DST: variants seen among roughly 807,000 people sequenced by gnomAD.
DST encodes dystonin.
In DST, 253 loss-of-function variants were observed where a neutral mutation model predicts 875.2. The observed-to-expected ratio is 0.29, with a 90% CI of 0.26 to 0.32. The LOEUF (loss-of-function observed/expected upper bound fraction) is 0.32. Among genes scored for constraint, DST ranks in the 10% least tolerant of loss-of-function variants. The pLI, the probability that DST is intolerant of heterozygous loss-of-function variation, is 1.00. For missense variants in DST, 8,287 were observed against 9,111.6 expected (o/e 0.91, Z 3.68); for synonymous variants, 3,124 against 3,197.1 (o/e 0.98, Z 0.77).
At chr6:56,831,648 T>C (rs916958749) in intron 4 of DST, among the ~76,000 whole-genome samples, 1 of 152,168 alleles carries the variant, frequency 6.6e-6, no homozygotes, top group African/African-American at 2.4e-5. Context: ...GTGTTCCTCT[T>C]CCTTCTGTAG....
Position 56,640,288 on chromosome 6 carries a change from ACT to A in DST, c.2343_2344del (p.Val782ArgfsTer45). 6.2e-7 allele frequency: 1 copy of A among 1,614,116 alleles called. No homozygotes were observed. The highest frequency in any genetic ancestry group is 8.5e-7 in the Non-Finnish European group (1 of 1,180,004). On this transcript the variant is annotated frameshift_variant, in exon 18 of 104. Transcript: ENST00000680361. LOFTEE classifies it high-confidence loss of function. The stretch of plus-strand genomic sequence containing the variant: ...CAAAGTTTGCAATGAATTTGGCTCT[ACT>A]CCTGAACTGAAATTTGGAACTAATC...
At chr6:56,596,702 G>GT (rs1184875150) in intron 47 of DST, among the ~76,000 whole-genome samples, 1 of 152,132 alleles carries the variant, frequency 6.6e-6, no homozygotes, top group Non-Finnish European at 1.5e-5. Context: ...AATATGAAGG[G>GT]TAGGAACAAA....
rs764083250 is a variant in DST, at chr6:56,506,636, A to ACTAGTTAACT, written c.19362+30_19362+31insAGTTAACTAG. ...ATTTTAGTTAACTAAAAACTTTTTA[A>ACTAGTTAACT]AAGCCATTCTGATAAGTAAGCCAGT... On this transcript the variant is annotated intron_variant, in intron 76 of 103. Coordinates refer to ENST00000680361, the MANE Select transcript of DST (RefSeq NM_001374736.1). The ACTAGTTAACT allele has an allele frequency of 1.6e-5, 26 of 1,612,236 alleles. No homozygotes were observed. The East Asian group carries it at 5.6e-4, about 35-fold the overall frequency.
At chr6:56,533,124 T>G (rs1248770909) in intron 63 of DST, among the ~76,000 whole-genome samples, 1 of 152,282 alleles carries the variant, frequency 6.6e-6, no homozygotes, top group African/African-American at 2.4e-5. Context: ...GAAGAGAGGG[T>G]AGAAGATGTC....
intron 2 of DST, among the ~76,000 whole-genome samples, chr6:56,901,879 C>T (rs976218880): frequency 1.3e-5 from 2 of 152,110 alleles, no homozygotes; most frequent in Admixed American, 6.5e-5. Context: ...GTCCTCATGG[C>T]TTACAATTTA....
chr6:56,869,666 A>G (rs991012453), intron 3 of DST, among the ~76,000 whole-genome samples: 6 of 151,826 alleles, frequency 4.0e-5, no homozygotes, highest in Non-Finnish European at 8.8e-5. Flanking sequence ...CAATCTATGC[A>G]GTATGAAAAA....
At chr6:56,726,820 A>T (rs77454773) in intron 5 of DST, among the ~76,000 whole-genome samples, 8,917 of 152,280 alleles carry the variant, frequency 0.059, 806 homozygotes, top group African/African-American at 0.2. Flanking sequence ...ATATTCATTC[A>T]TTACACATCA....
intron 9 of DST, among the ~76,000 whole-genome samples, chr6:56,692,102 A>G (rs988965402): frequency 6.6e-6 from 1 of 152,196 alleles, no homozygotes; most frequent in Non-Finnish European, 1.5e-5. Flanking sequence ...GAACCAGAAA[A>G]ATTCAAAAGA....
chr6:56,573,979 C>A, intron 50 of DST, 92 bp from the exon 51 acceptor site: 2 of 890,456 alleles, frequency 2.2e-6, no homozygotes, highest in Non-Finnish European at 1.6e-6. Flanking sequence ...ACAATTTCCA[C>A]ACAAAAAATT....
intron 15 of DST, 120 bp from the exon 16 acceptor site, chr6:56,642,623 T>C: frequency 1.2e-6 from 2 of 1,614,150 alleles, no homozygotes; most frequent in Non-Finnish European, 1.7e-6. Context: ...ATTCAATACC[T>C]GTGTCCATCA....
chr6:56,951,060 TAGG>T (rs1822024119), intron 2 of DST, among the ~76,000 whole-genome samples: 1 of 152,196 alleles, frequency 6.6e-6, no homozygotes, highest in South Asian at 2.1e-4. Context: ...ATTTTTTCTC[TAGG>T]AGTATTTCTC....
At chr6:56,627,418 C>T in intron 33 of DST, 131 bp from the exon 34 acceptor site, 1 of 738,820 alleles carries the variant, frequency 1.4e-6, no homozygotes. Flanking sequence ...ACTTAATACA[C>T]AACTTGCCTT....
intron 2 of DST, among the ~76,000 whole-genome samples, chr6:56,907,486 CA>C: frequency 6.6e-6 from 1 of 152,290 alleles, no homozygotes; most frequent in Non-Finnish European, 1.5e-5. Flanking sequence ...CCTGCAGAAA[CA>C]AGCAAACAGG....
At chr6:56,796,415 G>C (rs1419846526) in intron 4 of DST, among the ~76,000 whole-genome samples, 1 of 152,216 alleles carries the variant, frequency 6.6e-6, no homozygotes, top group Non-Finnish European at 1.5e-5. Flanking sequence ...ACAGAGAATG[G>C]AGAGTATGAC....
chr6:56,906,204 C>A (rs1796355778), intron 2 of DST, among the ~76,000 whole-genome samples: 1 of 152,148 alleles, frequency 6.6e-6, no homozygotes, highest in Non-Finnish European at 1.5e-5. Context: ...CTACAGTGTA[C>A]AAGGGTTCCA....
At position 56,741,613 on chromosome 6, in the gene DST, A is replaced by G. The variant is rs191955414; in HGVS notation, c.626-6324T>C. ...CTTTGTAAATCACACCACTTTCCAT[A>G]CACATTATTTCAAAAGGGAGTTATT... On this transcript the variant is annotated intron_variant, in intron 4 of 103. Transcript: ENST00000680361. Among the ~76,000 whole-genome samples, 11 of 152,332 alleles carry G rather than the reference A, an allele frequency of 7.2e-5. No individual in the cohort carries two copies. In the East Asian group the frequency reaches 2.1e-3, roughly 29 times the overall value.
chr6:56,619,979 A>C (rs2152738717), intron 36 of DST: 1 of 1,614,010 alleles, frequency 6.2e-7, no homozygotes, highest in East Asian at 2.2e-5. Context: ...TTCTTGCTGG[A>C]GACCCGTTAC....
At chr6:56,461,195 CTTA>C (rs1242990126) in intron 102 of DST, 1 of 151,254 alleles carries the variant, frequency 6.6e-6, no homozygotes, top group African/African-American at 2.5e-5. Context: ...ATGAGTTACT[CTTA>C]TTAATATTAA....
chr6:56,620,420 C>T, intron 36 of DST: 2 of 1,614,198 alleles, frequency 1.2e-6, no homozygotes, highest in Non-Finnish European at 1.7e-6. Flanking sequence ...TTCCTTCTCT[C>T]TCACAATGGT....
Sources: gnomAD v4.1 joint callset for allele counts (sites outside exome capture counted in the v4.1 genomes callset) on GRCh38, gnomAD v4.1.1 for gene constraint, MANE v1.5 for transcripts, NCBI Gene and HGNC (gene_info 2026-07-23, HGNC 2026-07-21) for gene names.